The following PLXDC2 variants were observed in gnomAD, a reference collection of about 807,000 sequenced individuals.
The protein encoded by PLXDC2 is plexin domain-containing protein 2.
Under a neutral mutation model 68.9 loss-of-function variants are expected in PLXDC2, and 40 were observed. The observed-to-expected ratio is 0.58, with a 90% CI of 0.45 to 0.76. PLXDC2 has a LOEUF of 0.76. Ranked by LOEUF, PLXDC2 falls within the 30% of genes least tolerant of loss-of-function variation. The pLI, the probability that PLXDC2 is intolerant of heterozygous loss-of-function variation, is 0.00. For missense variants in PLXDC2, 644 were observed against 661.9 expected (o/e 0.97, Z 0.30); for synonymous variants, 243 against 234.2 (o/e 1.04, Z -0.34).
chr10:20,146,471 C>CTT, intron 5 of PLXDC2, among the ~76,000 whole-genome samples: 1 of 132,810 alleles, frequency 7.5e-6, no homozygotes, highest in Non-Finnish European at 1.6e-5. Flanking sequence ...TCCTTCCTTT[C>CTT]TTTCTTTTCT....
chr10:19,918,143 C>G (rs1230952051), intron 1 of PLXDC2, among the ~76,000 whole-genome samples: 2 of 152,158 alleles, frequency 1.3e-5, no homozygotes. Context: ...GCCAGAAGAG[C>G]TGAGCAGGTC....
intron 1 of PLXDC2, among the ~76,000 whole-genome samples, chr10:19,912,665 A>G (rs1162992077): frequency 1.3e-5 from 2 of 152,178 alleles, no homozygotes; most frequent in East Asian, 1.9e-4. Context: ...AAAAACGGTA[A>G]TAATTAACAT....
At chr10:19,870,978 G>C (rs1274251500) in intron 1 of PLXDC2, among the ~76,000 whole-genome samples, 2 of 152,148 alleles carry the variant, frequency 1.3e-5, no homozygotes, top group Non-Finnish European at 2.9e-5. Flanking sequence ...GATTTAGATT[G>C]AATGAATTGT....
intron 13 of PLXDC2, among the ~76,000 whole-genome samples, chr10:20,271,350 A>G (rs1477417568): frequency 6.6e-6 from 1 of 152,174 alleles, no homozygotes; most frequent in Admixed American, 6.6e-5. Flanking sequence ...AGGGTGAAAA[A>G]TGGTTTTGTA....
intron 4 of PLXDC2, among the ~76,000 whole-genome samples, chr10:20,079,767 AC>A (rs2131719491): frequency 6.6e-6 from 1 of 152,222 alleles, no homozygotes; most frequent in Non-Finnish European, 1.5e-5. Context: ...GGAACATCAC[AC>A]AATGGGGCCC....
intron 12 of PLXDC2, among the ~76,000 whole-genome samples, chr10:20,236,440 G>T (rs148288658): frequency 6.6e-6 from 1 of 151,998 alleles, no homozygotes; most frequent in Non-Finnish European, 1.5e-5. Flanking sequence ...GCGAGACTCC[G>T]TCTAAAAATT....
intron 1 of PLXDC2, among the ~76,000 whole-genome samples, chr10:19,888,113 C>G (rs532572502): frequency 6.6e-6 from 1 of 152,198 alleles, no homozygotes; most frequent in African/African-American, 2.4e-5. Context: ...TTAAAGCACT[C>G]CCTTTTTGAA....
At chr10:20,248,752 G>A (rs1247203942) in intron 13 of PLXDC2, among the ~76,000 whole-genome samples, 3 of 152,190 alleles carry the variant, frequency 2.0e-5, no homozygotes, top group African/African-American at 7.2e-5. Context: ...GTGATATGCA[G>A]ACGCGTGGAT....
intron 4 of PLXDC2, among the ~76,000 whole-genome samples, chr10:20,129,362 G>C (rs12244631): frequency 6.6e-6 from 1 of 151,872 alleles, no homozygotes; most frequent in Non-Finnish European, 1.5e-5. Flanking sequence ...TATATATTTT[G>C]AATAATGACC....
Position 19,856,377 on chromosome 10 carries a change from CAG to C in PLXDC2, c.112+39188_112+39189del, listed in dbSNP as rs377634898. ...TTATACACACACAAACACACACACA[CAG>C]ACACACACACACACACACACACACA... On this transcript the variant is annotated intron_variant, in intron 1 of 13. Transcript: ENST00000377252. Among the ~76,000 whole-genome samples, 308 of 122,384 alleles carry C rather than the reference CAG, an allele frequency of 2.5e-3. 1 individual carries two copies. Among genetic ancestry groups the C allele is most frequent in the African/African-American group, 0.01 (292 of 29,092 alleles). The allele number at this position is 122,384 out of a possible 152,430, so 80.3% of individuals were successfully genotyped here.
intron 1 of PLXDC2, among the ~76,000 whole-genome samples, chr10:19,923,937 G>A (rs1160516803): frequency 1.3e-5 from 2 of 152,140 alleles, no homozygotes; most frequent in Admixed American, 1.3e-4. Flanking sequence ...TGGAGTGCAT[G>A]CCTGTAGTCC....
intron 6 of PLXDC2, among the ~76,000 whole-genome samples, chr10:20,150,932 T>G (rs987778424): frequency 6.6e-6 from 1 of 152,224 alleles, no homozygotes; most frequent in Non-Finnish European, 1.5e-5. Context: ...AATTTCAAGA[T>G]GACAGGCAAA....
chr10:20,086,389 C>T (rs986782359), intron 4 of PLXDC2, among the ~76,000 whole-genome samples: 10 of 150,922 alleles, frequency 6.6e-5, no homozygotes, highest in Non-Finnish European at 1.5e-4. Context: ...ACTGGGTCTC[C>T]CTATGCTGTC....
At chr10:20,249,050 A>T (rs1329180632) in intron 13 of PLXDC2, among the ~76,000 whole-genome samples, 3 of 152,240 alleles carry the variant, frequency 2.0e-5, no homozygotes, top group African/African-American at 7.2e-5. Flanking sequence ...TTTTATGTAC[A>T]TAATTTGATG....
rs1834229504 is a variant in PLXDC2 at position 19,965,313 on chromosome 10, C to G, written c.113-36462C>G. Among the ~76,000 whole-genome samples the G allele has an allele frequency of 2.0e-5, 3 of 152,090 alleles. No homozygotes were observed. In the South Asian group the frequency reaches 6.2e-4, roughly 32 times the overall value. Reference sequence around the variant, plus strand: ...CAAACACTTTGAGAAGGAGTTCTACCATAATCATAAAGTCTTATCCTGGAT... The same window carrying G: ...CAAACACTTTGAGAAGGAGTTCTACGATAATCATAAAGTCTTATCCTGGAT... On this transcript the variant is annotated intron_variant, in intron 1 of 13. Transcript: ENST00000377252.
At chr10:20,128,147 C>T (rs900157622) in intron 4 of PLXDC2, among the ~76,000 whole-genome samples, 1 of 152,156 alleles carries the variant, frequency 6.6e-6, no homozygotes, top group African/African-American at 2.4e-5. Context: ...AGACGCTTTG[C>T]AAACACAGGG....
At chr10:19,861,978 C>T (rs376960354) in intron 1 of PLXDC2, among the ~76,000 whole-genome samples, 187 of 152,244 alleles carry the variant, frequency 1.2e-3, no homozygotes, top group African/African-American at 4.0e-3. Flanking sequence ...GAAAAGCCAG[C>T]TCATTTTCCT....
chr10:20,037,331 C>A (rs979056173), intron 2 of PLXDC2, among the ~76,000 whole-genome samples: 10 of 151,338 alleles, frequency 6.6e-5, no homozygotes, highest in Admixed American at 6.6e-4. Flanking sequence ...GCCTCAGATT[C>A]TCTTTCTGGC....
intron 4 of PLXDC2, among the ~76,000 whole-genome samples, chr10:20,116,133 C>T (rs1833618123): frequency 6.6e-6 from 1 of 152,244 alleles, no homozygotes; most frequent in Non-Finnish European, 1.5e-5. Context: ...AAAGACCTTG[C>T]ATGCCTTCCT....
Sources: gnomAD v4.1 joint callset for allele counts (sites outside exome capture counted in the v4.1 genomes callset) on GRCh38, gnomAD v4.1.1 for gene constraint, MANE v1.5 for transcripts, NCBI Gene and HGNC (gene_info 2026-07-23, HGNC 2026-07-21) for gene names.